Variants in ZAP70 observed in about 807,000 individuals in gnomAD.
ZAP70 encodes tyrosine-protein kinase ZAP-70.
A neutral mutation model predicts 65.8 loss-of-function variants in ZAP70; 27 were observed. The ratio of observed to expected loss-of-function variants is 0.41; its 90% CI spans 0.30 to 0.57. ZAP70 has a LOEUF of 0.57. Ranked by LOEUF, ZAP70 falls within the 20% of genes least tolerant of loss-of-function variation. The probability of loss-of-function intolerance (pLI) is 0.28; values close to 1 mark genes in which losing one functional copy is unlikely to be tolerated. For synonymous variants in ZAP70, 363 were observed against 360.8 expected, an observed-to-expected ratio of 1.01 and a Z score of -0.07; for missense variants, 696 against 870.5, an observed-to-expected ratio of 0.80 and a Z score of 2.52.
At chr2:97,749,004 CTTTTTT>C in the ZAP70 span, among the ~76,000 whole-genome samples, 324 of 114,996 alleles carry the variant, frequency 2.8e-3, 2 homozygotes, top group African/African-American at 0.011. Flanking sequence ...TGACACTTCC[CTTTTTT>C]TTTTTTTTTT....
chr2:97,737,421 G>A lies in ZAP70; in HGVS notation c.1290-52G>A, dbSNP rs1677937574. On this transcript the variant is annotated intron_variant, in intron 10 of 13. Coordinates refer to ENST00000264972, the MANE Select transcript of ZAP70 (RefSeq NM_001079.4). The surrounding 1 kb of genome is among the most constrained non-coding windows in gnomAD (Gnocchi z 5.0). ...GGTCAGAGAAGCATGCTTTGCCCCT[G>A]GGAACTTGGCTAGTCTTCTCCCAGC... 1.4e-5 allele frequency: 23 copies of A among 1,599,288 alleles called. No homozygotes were observed. Among genetic ancestry groups the A allele is most frequent in the Non-Finnish European group, 2.0e-5 (23 of 1,166,962 alleles).
Position 97,730,603 on chromosome 2 carries a change from T to A in ZAP70, c.564-2280T>A, listed in dbSNP as rs752638011. On this transcript the variant is annotated intron_variant, in intron 4 of 13. Transcript: ENST00000264972. ...TGTGTCATGTTTGCTAATGTCCTGTTAGCAAGGCACATGGTCAAGCCCTGA... is the reference window on the plus strand; with the variant it reads ...TGTGTCATGTTTGCTAATGTCCTGTAAGCAAGGCACATGGTCAAGCCCTGA... Among the ~76,000 whole-genome samples, 4 of 152,188 alleles carry A rather than the reference T, an allele frequency of 2.6e-5. No individual in the cohort carries two copies. The East Asian group carries it at 7.7e-4, about 29-fold the overall frequency.
At position 97,732,976 on chromosome 2, in the gene ZAP70, C is replaced by A. The variant is rs1177170717; in HGVS notation, c.657C>A (p.Gly219=). 1.9e-6 allele frequency: 3 copies of A among 1,614,138 alleles called. No homozygotes were observed. The Admixed American group carries it at 5.0e-5, about 27-fold the overall frequency. The change falls in exon 5 of 14, where the codon GGC becomes GGA. Residue 219 remains glycine, a synonymous_variant. Transcript: ENST00000264972. ...YHYLISQDKA[G]KYCIPEGTKF... Reference sequence around the variant, plus strand: ...ACCTCATCAGCCAAGACAAGGCGGGCAAGTACTGCATTCCCGAGGGCACCA... The same window carrying A: ...ACCTCATCAGCCAAGACAAGGCGGGAAAGTACTGCATTCCCGAGGGCACCA...
At chr2:97,739,270 A>G in intron 13 of ZAP70, 105 bp from the exon 14 acceptor site, 1 of 1,539,402 alleles carries the variant, frequency 6.5e-7, no homozygotes, top group South Asian at 1.2e-5. Flanking sequence ...TGACTTTCTG[A>G]GCCCCAAAAG....
intron 4 of ZAP70, 82 bp downstream of exon 4, chr2:97,725,334 T>G: frequency 6.4e-7 from 1 of 1,559,750 alleles, no homozygotes; most frequent in South Asian, 1.2e-5. Context: ...GACGTGAGTG[T>G]GCAGTTGGGC....
In ZAP70 at chr2:97,724,423, G is replaced by A; in HGVS notation, c.387G>A (p.Gln129=). 1 of 1,537,290 alleles carries A rather than the reference G, an allele frequency of 6.5e-7. No homozygotes were observed. Among genetic ancestry groups the A allele is most frequent in the Non-Finnish European group, 8.7e-7 (1 of 1,143,186 alleles). The stretch of plus-strand genomic sequence containing the variant: ...CCATGGTGCGTGACTACGTGCGCCA[G>A]ACGTGGAAGCTGGAGGTGAGAGCGC... ...RDAMVRDYVR[Q]TWKLEGEALE... Residue 129 remains glutamine (Q), a synonymous_variant, in exon 3 of 14, where the codon CAG becomes CAA. Coordinates refer to ENST00000264972, the MANE Select transcript of ZAP70 (RefSeq NM_001079.4).
In ZAP70 at chr2:97,736,624, G is replaced by T. The variant is rs1167942790; in HGVS notation, c.1290-849G>T. Among the ~76,000 whole-genome samples, 2 of 152,212 alleles carry T rather than the reference G, an allele frequency of 1.3e-5. No homozygotes were observed. Among genetic ancestry groups the T allele is most frequent in the Non-Finnish European group, 2.9e-5 (2 of 68,044 alleles). On this transcript the variant is annotated intron_variant, in intron 10 of 13. Transcript: ENST00000264972. The surrounding 1 kb of genome is among the most constrained non-coding windows in gnomAD (Gnocchi z 4.0). ...GCACAAGCCTGCCGCAGCTCCAGGG[G>T]GTTGGGAGTGTTGGGGTGCGAGGTG...
At position 97,737,743 on chromosome 2, in the gene ZAP70, C is replaced by T; in HGVS notation, c.1483-14C>T. ...TCCCTGACCCCTGATCCAGCAGCAT[C>T]TCCCCCTCCCCAGGCCCGCTCAGCA... On this transcript the variant is annotated splice_polypyrimidine_tract_variant and intron_variant, in intron 11 of 13. Coordinates refer to ENST00000264972, the MANE Select transcript of ZAP70 (RefSeq NM_001079.4). This position sits in a 1 kb window ranked among gnomAD's most constrained non-coding sequence, Gnocchi z 5.0. 1 of 1,614,132 alleles carries T rather than the reference C, an allele frequency of 6.2e-7. No individual in the cohort carries two copies. The highest frequency in any genetic ancestry group is 8.5e-7 in the Non-Finnish European group (1 of 1,179,996).
intron 3 of ZAP70, chr2:97,724,655 C>A (rs1314682379): frequency 5.9e-6 from 9 of 1,529,902 alleles, no homozygotes; most frequent in Non-Finnish European, 7.9e-6. Flanking sequence ...CTGAGCGATG[C>A]TATGGTGCTC....
chr2:97,716,951 A>C (rs1335321413), intron 2 of ZAP70, among the ~76,000 whole-genome samples: 2 of 152,208 alleles, frequency 1.3e-5, no homozygotes, highest in Non-Finnish European at 1.5e-5. Context: ...CTGAGGCTGC[A>C]CTGTGACCAT....
intron 10 of ZAP70, 80 bp downstream of exon 10, chr2:97,735,536 A>G: frequency 2.0e-6 from 3 of 1,507,896 alleles, no homozygotes; most frequent in East Asian, 4.5e-5. Flanking sequence ...ACCCGCGTGC[A>G]TGCGTGTGTG....
chr2:97,727,406 C>T (rs1056803995), intron 4 of ZAP70, among the ~76,000 whole-genome samples: 26 of 152,226 alleles, frequency 1.7e-4, no homozygotes, highest in African/African-American at 6.3e-4. Context: ...ATCTGGAGGG[C>T]TCCATCTTGC....
chr2:97,753,132 T>C, the ZAP70 span, among the ~76,000 whole-genome samples: 4 of 152,228 alleles, frequency 2.6e-5, no homozygotes, highest in Non-Finnish European at 4.4e-5. Flanking sequence ...GCCTGAGTCA[T>C]GCAACAGGCA....
chr2:97,733,507 T>A, intron 7 of ZAP70, 37 bp from the exon 8 acceptor site: 1 of 1,613,174 alleles, frequency 6.2e-7, no homozygotes, highest in Non-Finnish European at 8.5e-7. Flanking sequence ...GGGCTGGACG[T>A]CCCCAGCTCA....
At chr2:97,724,753 CG>C in intron 3 of ZAP70, 1 of 1,503,982 alleles carries the variant, frequency 6.6e-7, no homozygotes. Flanking sequence ...GGAGGGTGCG[CG>C]GGGCTAGGGT....
At chr2:97,756,141 G>C in the ZAP70 span, among the ~76,000 whole-genome samples, 2 of 150,890 alleles carry the variant, frequency 1.3e-5, no homozygotes, top group Admixed American at 6.6e-5. Context: ...AGTTGTTTTC[G>C]ATCAAGGACC....
At chr2:97,725,343 G>A in intron 4 of ZAP70, 91 bp downstream of exon 4, 1 of 1,515,496 alleles carries the variant, frequency 6.6e-7, no homozygotes. Context: ...GTGCAGTTGG[G>A]CCGTAAGGGT....
intron 4 of ZAP70, among the ~76,000 whole-genome samples, chr2:97,729,005 G>A (rs989299847): frequency 1.3e-5 from 2 of 152,190 alleles, no homozygotes; most frequent in Admixed American, 1.3e-4. Context: ...CACCCGCCTT[G>A]GCCTCCCAAA....
intron 2 of ZAP70, among the ~76,000 whole-genome samples, chr2:97,716,986 T>C (rs1450662944): frequency 6.6e-6 from 1 of 152,206 alleles, no homozygotes; most frequent in Non-Finnish European, 1.5e-5. Context: ...ATTCCATGAT[T>C]TGAATCCAAT....
Sources: gnomAD v4.1 joint callset for allele counts (sites outside exome capture counted in the v4.1 genomes callset) on GRCh38, gnomAD v4.1.1 for gene constraint, Gnocchi (gnomAD v3.1) non-coding constraint, MANE v1.5 for transcripts, NCBI Gene and HGNC (gene_info 2026-07-23, HGNC 2026-07-21) for gene names.